DNAJC27: variants seen among roughly 807,000 people sequenced by gnomAD.
The protein encoded by DNAJC27 is dnaJ homolog subfamily C member 27.
In DNAJC27, 25 loss-of-function variants were observed where a neutral mutation model predicts 31.4. The ratio of observed to expected loss-of-function variants is 0.80; its 90% CI spans 0.58 to 1.11. DNAJC27 has a LOEUF of 1.11. Among genes scored for constraint, DNAJC27 ranks in the 50% most tolerant of loss-of-function variants. The probability of loss-of-function intolerance (pLI) is 0.00; values close to 1 mark genes in which losing one functional copy is unlikely to be tolerated. For missense variants in DNAJC27, 356 were observed against 347.3 expected (o/e 1.02, Z -0.20); for synonymous variants, 106 against 112.7 (o/e 0.94, Z 0.37).
intron 6 of DNAJC27, among the ~76,000 whole-genome samples, chr2:24,950,395 T>C (rs1413375959): frequency 1.3e-5 from 2 of 152,202 alleles, no homozygotes; most frequent in African/African-American, 2.4e-5. Context: ...TGGGCGCATA[T>C]TGTACTACAC....
rs772968062 is a variant in DNAJC27, at chr2:24,971,809, T to G, written c.87+9A>C. On this transcript the variant is annotated intron_variant, in intron 1 of 6. Transcript: ENST00000264711. ...CTGGGGCCCGCCCCTCCCGGCTCGC[T>G]GTACTCACTTTCCCCACTTCGGCGT... The G allele has an allele frequency of 1.2e-6, 2 of 1,604,116 alleles. No homozygotes were observed. Among genetic ancestry groups the G allele is most frequent in the Non-Finnish European group, 8.5e-7 (1 of 1,176,490 alleles).
At chr2:24,961,860 C>G (rs928779103) in intron 3 of DNAJC27, among the ~76,000 whole-genome samples, 3 of 152,184 alleles carry the variant, frequency 2.0e-5, no homozygotes, top group African/African-American at 7.2e-5. Context: ...TATGAACATT[C>G]TTGAAATGAC....
At chr2:24,958,089 T>C in intron 3 of DNAJC27, 115 bp from the exon 4 acceptor site, 1 of 940,598 alleles carries the variant, frequency 1.1e-6, no homozygotes, top group Non-Finnish European at 1.6e-6. Flanking sequence ...GTGTTTGCTA[T>C]TGTATCTGTT....
chr2:24,969,833 T>C (rs1223458955), intron 1 of DNAJC27, among the ~76,000 whole-genome samples: 4 of 152,186 alleles, frequency 2.6e-5, no homozygotes, highest in African/African-American at 9.7e-5. Context: ...TTCTTTTTTT[T>C]CCCCACAATT....
rs1311274340 is a variant in DNAJC27, at chr2:24,945,684, G to A, written c.*1932C>T. On this transcript the variant is annotated 3_prime_UTR_variant, in exon 7 of 7. Coordinates refer to ENST00000264711, the MANE Select transcript of DNAJC27 (RefSeq NM_016544.3). ...TCTGTAGCCTCAGAAGCCAGTTAAAGGCCAGAGGAAAACCTCGCAAGAAAT... is the reference window on the plus strand; with the variant it reads ...TCTGTAGCCTCAGAAGCCAGTTAAAAGCCAGAGGAAAACCTCGCAAGAAAT... 1 of 151,934 alleles carries A rather than the reference G, an allele frequency of 6.6e-6. No homozygotes were observed. The highest frequency in any genetic ancestry group is 1.5e-5 in the Non-Finnish European group (1 of 68,040). 9.4% of individuals were successfully genotyped at this position (151,934 alleles called of 1,614,324 possible). A position where few individuals can be genotyped will look rare whatever the true frequency, so the allele number is the denominator to read the frequency against.
chr2:24,960,563 A>C (rs2149127105), intron 3 of DNAJC27, among the ~76,000 whole-genome samples: 1 of 152,366 alleles, frequency 6.6e-6, no homozygotes, highest in African/African-American at 2.4e-5. Context: ...ACAGCTAGCC[A>C]AGTTATGAAT....
rs1365265530 is a variant in DNAJC27 at position 24,945,784 on chromosome 2, C to T, written c.*1832G>A. The T allele has an allele frequency of 6.6e-6, 1 of 152,200 alleles. No homozygotes were observed. The highest frequency in any genetic ancestry group is 1.5e-5 in the Non-Finnish European group (1 of 68,038). 9.4% of individuals were successfully genotyped at this position (152,200 alleles called of 1,614,324 possible). On this transcript the variant is annotated 3_prime_UTR_variant, in exon 7 of 7. Coordinates refer to ENST00000264711, the MANE Select transcript of DNAJC27 (RefSeq NM_016544.3). ...TGAAAAGTGCGATGATAAAGCAACG[C>T]TCTGGTTTCCTGAAGACAAGCTCAG...
intron 3 of DNAJC27, among the ~76,000 whole-genome samples, chr2:24,961,097 G>A (rs1274760430): frequency 6.6e-6 from 1 of 152,118 alleles, no homozygotes; most frequent in South Asian, 2.1e-4. Flanking sequence ...CTCTTGTTAC[G>A]GGCTGACAGA....
At position 24,947,488 on chromosome 2, in the gene DNAJC27, TAC is replaced by T. The variant is rs1348181233; in HGVS notation, c.*126_*127del. ...GAAATGGGTACCTGAATTACTGATA[TAC>T]AAATGACAACACATGAATGAAAAGA... is the stretch of plus-strand genomic sequence containing the variant. On this transcript the variant is annotated 3_prime_UTR_variant, in exon 7 of 7. Coordinates refer to ENST00000264711, the MANE Select transcript of DNAJC27 (RefSeq NM_016544.3). The T allele has an allele frequency of 8.4e-7, 1 of 1,186,986 alleles. No homozygotes were observed. The highest frequency in any genetic ancestry group is 1.5e-5 in the African/African-American group (1 of 65,554). 73.5% of individuals were successfully genotyped at this position (1,186,986 alleles called of 1,614,324 possible). A position where few individuals can be genotyped will look rare whatever the true frequency, so the allele number is the denominator to read the frequency against.
At chr2:24,971,229 T>C (rs1666328716) in intron 1 of DNAJC27, among the ~76,000 whole-genome samples, 1 of 151,984 alleles carries the variant, frequency 6.6e-6, no homozygotes, top group Non-Finnish European at 1.5e-5. Context: ...AGAAGGGCGG[T>C]GGAACTAACA....
At chr2:24,960,146 G>C (rs957663393) in intron 3 of DNAJC27, among the ~76,000 whole-genome samples, 1 of 152,172 alleles carries the variant, frequency 6.6e-6, no homozygotes, top group Non-Finnish European at 1.5e-5. Context: ...CTTTATGTGT[G>C]TGTCACATTT....
chr2:24,952,886 T>G (rs1665813652), intron 5 of DNAJC27, among the ~76,000 whole-genome samples: 1 of 152,208 alleles, frequency 6.6e-6, no homozygotes, highest in South Asian at 2.1e-4. Context: ...CTTTTCTTTT[T>G]CTGCAAACTT....
chr2:24,962,884 G>A (rs1219123047), intron 3 of DNAJC27, among the ~76,000 whole-genome samples: 1 of 152,112 alleles, frequency 6.6e-6, no homozygotes, highest in Non-Finnish European at 1.5e-5. Flanking sequence ...TAAGAAAAAT[G>A]AAAAAGCCCA....
chr2:24,956,312 T>C (rs1407003721), intron 5 of DNAJC27, among the ~76,000 whole-genome samples: 2 of 152,222 alleles, frequency 1.3e-5, no homozygotes, highest in African/African-American at 4.8e-5. Context: ...CAAATGTATC[T>C]ATAATTAAGG....
In DNAJC27 at chr2:24,957,909, G is replaced by T. The variant is rs988678274; in HGVS notation, c.306C>A (p.Asp102Glu). 1 of 1,614,166 alleles carries T rather than the reference G, an allele frequency of 6.2e-7. No homozygotes were observed. The highest frequency in any genetic ancestry group is 8.5e-7 in the Non-Finnish European group (1 of 1,179,988). ...VILVYDVGQK[D>E]SFDALDAWLA... ...GCCACGCATCAAGGGCGTCAAAGGA[G>T]TCTTTCTGCCCAACATCATAGACCA... is the stretch of plus-strand genomic sequence containing the variant. The change falls in exon 4 of 7, where the codon GAC becomes GAA. Residue 102 changes from aspartate (D) to glutamate (E), a missense_variant. By Grantham distance (45) the Asp-to-Glu change is conservative. Transcript: ENST00000264711.
chr2:24,964,369 C>T (rs1666125056), intron 2 of DNAJC27, among the ~76,000 whole-genome samples: 1 of 151,062 alleles, frequency 6.6e-6, no homozygotes, highest in Non-Finnish European at 1.5e-5. Flanking sequence ...TTGCAGTGAG[C>T]CGAGATCACG....
In DNAJC27 at chr2:24,965,998, C is replaced by T. The variant is rs145273743; in HGVS notation, c.170+1213G>A. Among the ~76,000 whole-genome samples the T allele has an allele frequency of 4.9e-3, 739 of 152,226 alleles. 5 individuals carry two copies. The highest frequency in any genetic ancestry group is 0.016 in the African/African-American group (682 of 41,518). ...TTATAATCTAGCAGGAGACATTACA[C>T]ATATACAAATAATAACAATACAAGG... On this transcript the variant is annotated intron_variant, in intron 2 of 6. Coordinates refer to ENST00000264711, the MANE Select transcript of DNAJC27 (RefSeq NM_016544.3).
At chr2:24,971,729 C>T (rs1287410119) in intron 1 of DNAJC27, 89 bp downstream of exon 1, 3 of 1,197,086 alleles carry the variant, frequency 2.5e-6, no homozygotes, top group African/African-American at 1.6e-5. Flanking sequence ...GGAGGCCGGG[C>T]CCCAGGCTGT....
intron 2 of DNAJC27, among the ~76,000 whole-genome samples, chr2:24,965,035 G>A (rs111435124): frequency 0.025 from 3,768 of 151,966 alleles, 131 homozygotes; most frequent in African/African-American, 0.08. Flanking sequence ...GTGAAACCCT[G>A]TCTCTACTAA....
Sources: gnomAD v4.1 joint callset for allele counts (sites outside exome capture counted in the v4.1 genomes callset) on GRCh38, gnomAD v4.1.1 for gene constraint, MANE v1.5 for transcripts, NCBI Gene and HGNC (gene_info 2026-07-23, HGNC 2026-07-21) for gene names.